The following HMGCLL1 variants were observed in gnomAD, a reference collection of about 807,000 sequenced individuals.
The protein encoded by HMGCLL1 is 3-hydroxy-3-methylglutaryl-CoA lyase like 1, also known as 3-hydroxymethyl-3-methylglutaryl-CoA lyase, cytoplasmic.
Under a neutral mutation model 39.1 loss-of-function variants are expected in HMGCLL1, and 36 were observed. The observed-to-expected ratio is 0.92, with a 90% CI of 0.71 to 1.22. HMGCLL1 has a LOEUF of 1.22. Ranked by LOEUF, HMGCLL1 falls within the 50% of genes most tolerant of loss-of-function variation. HMGCLL1 has a pLI of 0.00. For synonymous variants in HMGCLL1, 149 were observed against 144.0 expected (o/e 1.03, Z -0.25); for missense variants, 451 against 416.5 (o/e 1.08, Z -0.72).
chr6:55,452,296 A>G (rs1279630636), intron 7 of HMGCLL1, among the ~76,000 whole-genome samples: 1 of 152,222 alleles, frequency 6.6e-6, no homozygotes, highest in African/African-American at 2.4e-5. Flanking sequence ...AATTTGGTCA[A>G]TCACAGTCTT....
the HMGCLL1 span, among the ~76,000 whole-genome samples, chr6:55,667,491 C>T: frequency 6.6e-6 from 1 of 151,650 alleles, no homozygotes; most frequent in Non-Finnish European, 1.5e-5. Flanking sequence ...TTATCCAAGC[C>T]TACTCAGCTA....
chr6:55,662,807 G>T, the HMGCLL1 span, among the ~76,000 whole-genome samples: 1 of 151,634 alleles, frequency 6.6e-6, no homozygotes, highest in Admixed American at 6.6e-5. Flanking sequence ...GAATCCATCT[G>T]ACCCTGGGTT....
At chr6:55,626,894 A>G in the HMGCLL1 span, among the ~76,000 whole-genome samples, 1 of 151,892 alleles carries the variant, frequency 6.6e-6, no homozygotes, top group Non-Finnish European at 1.5e-5. Flanking sequence ...GTAGGTAAGG[A>G]AGAGTATGTA....
At chr6:55,658,833 T>C in the HMGCLL1 span, among the ~76,000 whole-genome samples, 1 of 151,892 alleles carries the variant, frequency 6.6e-6, no homozygotes, top group African/African-American at 2.4e-5. Context: ...CAAAGTATAA[T>C]TATAAACTTT....
At chr6:55,460,237 C>A (rs1193629350) in intron 7 of HMGCLL1, among the ~76,000 whole-genome samples, 1 of 151,846 alleles carries the variant, frequency 6.6e-6, no homozygotes, top group Admixed American at 6.6e-5. Flanking sequence ...ATGTAGAAAA[C>A]TATGCATAAA....
the HMGCLL1 span, among the ~76,000 whole-genome samples, chr6:55,670,929 T>C: frequency 6.6e-6 from 1 of 151,768 alleles, no homozygotes; most frequent in East Asian, 1.9e-4. Context: ...TCACTTCAAA[T>C]ATAATGATAA....
At chr6:55,632,599 C>T in the HMGCLL1 span, among the ~76,000 whole-genome samples, 1 of 151,802 alleles carries the variant, frequency 6.6e-6, no homozygotes, top group Non-Finnish European at 1.5e-5. Flanking sequence ...TATAATACAA[C>T]TTACATCAGT....
Position 55,495,506 on chromosome 6 carries a change from C to G in HMGCLL1, c.708G>C (p.Val236=), listed in dbSNP as rs779089380. ...GAGCACCTGGTGGGATTTCTTTCAT[C>G]ACACTTTCCAACATTCTTTTCATAC... ...PGSMKRMLES[V]MKEIPPGALA... The change falls in exon 7 of 9, where the codon GTG becomes GTC. Residue 236 remains valine (V), a synonymous_variant. Coordinates refer to ENST00000274901, the MANE Select transcript of HMGCLL1 (RefSeq NM_001042406.2). The G allele has an allele frequency of 3.1e-6, 5 of 1,613,852 alleles. No individual in the cohort carries two copies. Among genetic ancestry groups the G allele is most frequent in the African/African-American group, 1.3e-5 (1 of 74,924 alleles).
intron 1 of HMGCLL1, among the ~76,000 whole-genome samples, chr6:55,543,451 TGA>T (rs1491454112): frequency 2.9e-4 from 4 of 13,766 alleles, no homozygotes; most frequent in Admixed American, 1.2e-3. Context: ...ATGATATATA[TGA>T]TATATATCAT....
intron 3 of HMGCLL1, among the ~76,000 whole-genome samples, chr6:55,519,187 A>G (rs1453698890): frequency 6.6e-6 from 1 of 152,086 alleles, no homozygotes; most frequent in African/African-American, 2.4e-5. Context: ...AAAGGAGAAG[A>G]CTGGACTAAA....
chr6:55,619,120 G>A, the HMGCLL1 span, among the ~76,000 whole-genome samples: 5 of 132,168 alleles, frequency 3.8e-5, no homozygotes, highest in African/African-American at 1.3e-4. Context: ...TGGGAAGAGG[G>A]AGAGGTCAAA....
intron 4 of HMGCLL1, among the ~76,000 whole-genome samples, chr6:55,515,878 T>G (rs1048587390): frequency 6.6e-6 from 1 of 152,162 alleles, no homozygotes; most frequent in African/African-American, 2.4e-5. Context: ...TCATTAATAT[T>G]CATTAATACC....
At chr6:55,650,128 T>TAC in the HMGCLL1 span, among the ~76,000 whole-genome samples, 1 of 53,706 alleles carries the variant, frequency 1.9e-5, no homozygotes, top group Non-Finnish European at 3.5e-5. Flanking sequence ...TATATATATA[T>TAC]ATATATACAC....
rs1763503724 is a variant in HMGCLL1, at chr6:55,439,458, C to CAT, written c.895_896dup (p.Met299IlefsTer12). 4 of 1,612,566 alleles carry CAT rather than the reference C, an allele frequency of 2.5e-6. No individual in the cohort carries two copies. On this transcript the variant is annotated frameshift_variant, in exon 8 of 9. Transcript: ENST00000274901. LOFTEE classifies it high-confidence loss of function. The stretch of plus-strand genomic sequence containing the variant: ...CTGTATTGAGCCCCAGGCCATTAAG[C>CAT]ATATATATCAAATCCTCAGTGGCTA...
At chr6:55,630,297 G>T in the HMGCLL1 span, among the ~76,000 whole-genome samples, 1 of 152,106 alleles carries the variant, frequency 6.6e-6, no homozygotes, top group African/African-American at 2.4e-5. Flanking sequence ...GGACAAGAAT[G>T]GGGTGGGTGG....
At chr6:55,588,689 A>C in the HMGCLL1 span, among the ~76,000 whole-genome samples, 1 of 152,168 alleles carries the variant, frequency 6.6e-6, no homozygotes, top group East Asian at 1.9e-4. Context: ...AGAGAGAAGA[A>C]TCAAATAGAC....
chr6:55,582,684 CA>C (rs1772005039), upstream of HMGCLL1, among the ~76,000 whole-genome samples: 1 of 151,984 alleles, frequency 6.6e-6, no homozygotes, highest in South Asian at 2.1e-4. Context: ...TTGAGAAATT[CA>C]GAAGATACAT....
chr6:55,589,993 A>G, the HMGCLL1 span, among the ~76,000 whole-genome samples: 2 of 150,648 alleles, frequency 1.3e-5, no homozygotes, highest in African/African-American at 2.4e-5. Context: ...TAATTTATAG[A>G]TTCAATGCCA....
At chr6:55,672,711 A>G in the HMGCLL1 span, among the ~76,000 whole-genome samples, 1 of 152,028 alleles carries the variant, frequency 6.6e-6, no homozygotes, top group South Asian at 2.1e-4. Flanking sequence ...TAAAACTACT[A>G]TTATATGTAA....
Sources: gnomAD v4.1 joint callset for allele counts (sites outside exome capture counted in the v4.1 genomes callset) on GRCh38, gnomAD v4.1.1 for gene constraint, MANE v1.5 for transcripts, NCBI Gene and HGNC (gene_info 2026-07-23, HGNC 2026-07-21) for gene names.